ABTB2: variants seen among roughly 807,000 people sequenced by gnomAD.
ABTB2 encodes the protein ankyrin repeat and BTB domain containing 2, also known as ankyrin repeat and BTB/POZ domain-containing protein 2.
ABTB2 carries 56 observed loss-of-function variants against 104.1 expected under a neutral mutation model. The ratio of observed to expected loss-of-function variants is 0.54; its 90% confidence interval spans 0.43 to 0.67. The LOEUF is 0.67. ABTB2 is among the 30% of genes least tolerant of loss of function. ABTB2 has a pLI of 0.00. For synonymous variants in ABTB2, 606 were observed against 608.2 expected (o/e 1.00, Z 0.05); for missense variants, 1,279 against 1,407.7 (o/e 0.91, Z 1.46).
intron 1 of ABTB2, among the ~76,000 whole-genome samples, chr11:34,317,319 A>G (rs1854945511): frequency 6.6e-6 from 1 of 152,050 alleles, no homozygotes; most frequent in Non-Finnish European, 1.5e-5. Flanking sequence ...CAGGCTTTCT[A>G]CCCTGGAGAC....
rs117069088 is a variant in ABTB2 at position 34,337,108 on chromosome 11, G to C, written c.883+19593C>G. On this transcript the variant is annotated intron_variant, in intron 1 of 16. Coordinates refer to ENST00000435224, the MANE Select transcript of ABTB2 (RefSeq NM_145804.3). ...TTTACTGAGGAGGACAACCACCTGA[G>C]TGCAAGTGAGTGGATTCGGATGAGT... 3.1e-4 allele frequency among the ~76,000 whole-genome samples: 47 copies of C among 152,386 alleles called. No homozygotes were observed. The East Asian group carries it at 7.7e-3, about 25-fold the overall frequency.
At chr11:34,245,173 CACAT>C (rs1323736794) in intron 1 of ABTB2, among the ~76,000 whole-genome samples, 2 of 152,312 alleles carry the variant, frequency 1.3e-5, no homozygotes, top group East Asian at 1.9e-4. Context: ...ATCTCTGTCT[CACAT>C]ACATTAAAAC....
At chr11:34,170,652 C>A (rs527846765) in intron 5 of ABTB2, among the ~76,000 whole-genome samples, 1 of 152,310 alleles carries the variant, frequency 6.6e-6, no homozygotes, top group East Asian at 1.9e-4. Flanking sequence ...AGCCTTGCAC[C>A]ACCTGAAACA....
intron 10 of ABTB2, 126 bp from the exon 11 acceptor site, chr11:34,161,207 C>A: frequency 1.0e-6 from 1 of 958,326 alleles, no homozygotes. Flanking sequence ...CCCGCCCGCC[C>A]CCTCCCGCCT....
At chr11:34,300,300 G>A (rs1477197963) in intron 1 of ABTB2, among the ~76,000 whole-genome samples, 7 of 152,150 alleles carry the variant, frequency 4.6e-5, no homozygotes, top group Admixed American at 2.6e-4. Flanking sequence ...CCAAAGCCAT[G>A]ATCAGAATGA....
intron 1 of ABTB2, among the ~76,000 whole-genome samples, chr11:34,331,944 A>G (rs1374383489): frequency 2.0e-5 from 3 of 152,248 alleles, no homozygotes; most frequent in Non-Finnish European, 2.9e-5. Flanking sequence ...ATATGGTGAC[A>G]TGAGTCACAG....
chr11:34,342,742 G>A (rs944890791), intron 1 of ABTB2, among the ~76,000 whole-genome samples: 2 of 152,098 alleles, frequency 1.3e-5, no homozygotes, highest in African/African-American at 4.8e-5. Context: ...AACACACATG[G>A]TTGAAGAGTA....
At chr11:34,337,571 G>A (rs945528876) in intron 1 of ABTB2, among the ~76,000 whole-genome samples, 8 of 152,126 alleles carry the variant, frequency 5.3e-5, no homozygotes, top group African/African-American at 1.7e-4. Context: ...AATCTCAAAC[G>A]CTGGCTCTGC....
At chr11:34,178,327 AGG>A (rs1852982236) in intron 3 of ABTB2, among the ~76,000 whole-genome samples, 1 of 152,224 alleles carries the variant, frequency 6.6e-6, no homozygotes, top group African/African-American at 2.4e-5. Context: ...GGACTTTCTC[AGG>A]AACATGCCTT....
chr11:34,332,886 A>T (rs1314894526), intron 1 of ABTB2, among the ~76,000 whole-genome samples: 1 of 151,802 alleles, frequency 6.6e-6, no homozygotes. Flanking sequence ...GAGTCACAGG[A>T]CATGGAAGGA....
At chr11:34,337,746 T>G (rs1006257182) in intron 1 of ABTB2, among the ~76,000 whole-genome samples, 4 of 152,186 alleles carry the variant, frequency 2.6e-5, no homozygotes, top group Non-Finnish European at 5.9e-5. Context: ...GCTCACCTCA[T>G]AGTAGGCATT....
chr11:34,290,554 C>A (rs2133092476), intron 1 of ABTB2, among the ~76,000 whole-genome samples: 1 of 152,228 alleles, frequency 6.6e-6, no homozygotes, highest in Middle Eastern at 3.4e-3. Context: ...CAAGAAAAAC[C>A]AGAGTGCCAA....
rs908532290 is a variant in ABTB2 at position 34,161,799 on chromosome 11, C to T, written c.2219-718G>A. Among the ~76,000 whole-genome samples the T allele has an allele frequency of 5.3e-5, 8 of 152,176 alleles. No individual in the cohort carries two copies. In the East Asian group the frequency reaches 5.8e-4, roughly 11 times the overall value. On this transcript the variant is annotated intron_variant, in intron 10 of 16. Transcript: ENST00000435224. ...ACCTCACTGTGGATCAAAGAACTGA[C>T]GGCATTCCCCAGCGACACATTGACA...
At chr11:34,297,791 T>G (rs56376818) in intron 1 of ABTB2, among the ~76,000 whole-genome samples, 2 of 117,840 alleles carry the variant, frequency 1.7e-5, no homozygotes, top group South Asian at 2.6e-4. Flanking sequence ...AAAATAAAAA[T>G]AAAGGAAAGA....
Position 34,164,730 on chromosome 11 carries a change from G to A in ABTB2, c.1944C>T (p.His648=), listed in dbSNP as rs751010805. ...AGTGGCTGAAGCAGTTCATGTCCTC[G>A]TGGAGGGAGGAGCCCATGCCGTGGG... ...LEAHGMGSSL[H]EDMNCFSHSA... Residue 648 remains histidine, a synonymous_variant, in exon 9 of 17, where the codon CAC becomes CAT. Transcript: ENST00000435224. 1.7e-5 allele frequency: 26 copies of A among 1,552,844 alleles called. No homozygotes were observed. Among genetic ancestry groups the A allele is most frequent in the Admixed American group, 4.6e-5 (2 of 43,700 alleles).
chr11:34,161,197 C>T, intron 10 of ABTB2, 116 bp from the exon 11 acceptor site: 1 of 1,060,010 alleles, frequency 9.4e-7, no homozygotes, highest in Middle Eastern at 3.2e-4. Context: ...TGCAGAGCAC[C>T]CCGCCCGCCC....
chr11:34,316,321 C>T (rs1854930099), intron 1 of ABTB2, among the ~76,000 whole-genome samples: 1 of 152,178 alleles, frequency 6.6e-6, no homozygotes, highest in African/African-American at 2.4e-5. Context: ...CAACCATCAG[C>T]AAACTGGGGC....
At chr11:34,244,486 G>A (rs1399161396) in intron 1 of ABTB2, among the ~76,000 whole-genome samples, 1 of 152,208 alleles carries the variant, frequency 6.6e-6, no homozygotes, top group Non-Finnish European at 1.5e-5. Flanking sequence ...CAGAAAAACA[G>A]GGATATCTCA....
rs1284201530 is a variant in ABTB2, at chr11:34,154,886, C to T, written c.2698-117G>A. On this transcript the variant is annotated intron_variant, in intron 14 of 16. Coordinates refer to ENST00000435224, the MANE Select transcript of ABTB2 (RefSeq NM_145804.3). This position sits in a 1 kb window ranked among gnomAD's most constrained non-coding sequence, Gnocchi z 4.9. ...TCCAGGGGCCTGTCCCTCTGCAGGTCCCCAGCTCTGTCTCTCCCTCCCTCT... is the reference window on the plus strand; with the variant it reads ...TCCAGGGGCCTGTCCCTCTGCAGGTTCCCAGCTCTGTCTCTCCCTCCCTCT... The T allele has an allele frequency of 7.3e-6, 7 of 960,272 alleles. No individual in the cohort carries two copies. Among genetic ancestry groups the T allele is most frequent in the South Asian group, 3.1e-5 (2 of 65,018 alleles). 59.5% of individuals were successfully genotyped at this position (960,272 alleles called of 1,614,324 possible).
Sources: allele counts gnomAD v4.1 joint callset (sites outside exome capture counted in the v4.1 genomes callset), GRCh38; gene constraint gnomAD v4.1.1; non-coding constraint Gnocchi (gnomAD v3.1); transcripts MANE v1.5; gene names NCBI Gene and HGNC (gene_info 2026-07-23, HGNC 2026-07-21).